The following GAGE10 variants were observed in gnomAD, a reference collection of about 807,000 sequenced individuals.
GAGE10 encodes G antigen 10.
GAGE10 carries 9 observed loss-of-function variants against 11.5 expected under a neutral mutation model. That is an observed-to-expected ratio of 0.78 (90% CI 0.47 to 1.37). The LOEUF (loss-of-function observed/expected upper bound fraction) is 1.37. Ranked by LOEUF, GAGE10 falls within the 40% of genes most tolerant of loss-of-function variation. GAGE10 has a pLI of 0.00. For synonymous variants in GAGE10, 23 were observed against 29.7 expected, an observed-to-expected ratio of 0.77 and a Z score of 0.73; for missense variants, 83 against 92.9, an observed-to-expected ratio of 0.89 and a Z score of 0.44.
intron 3 of GAGE10, among the ~76,000 whole-genome samples, chrX:49,316,120 A>G (rs1380072854): frequency 1.8e-5 from 2 of 111,095 alleles, no homozygotes; most frequent in Admixed American, 9.6e-5. Context: ...AGAAAACCCA[A>G]CTCCCCCTGA....
chrX:49,307,095 A>G (rs1195339759), intron 3 of GAGE10, among the ~76,000 whole-genome samples: 3 of 111,967 alleles, frequency 2.7e-5, no homozygotes, highest in Admixed American at 1.9e-4. Context: ...TCAAGGCATA[A>G]CATTATGGAA....
intron 3 of GAGE10, among the ~76,000 whole-genome samples, chrX:49,316,635 G>A (rs1241177255): frequency 8.9e-6 from 1 of 111,807 alleles, no homozygotes; most frequent in Admixed American, 9.5e-5. Flanking sequence ...TGCTTTTCAG[G>A]TGTTTTTAGT....
Sources: gnomAD v4.1 joint callset for allele counts (sites outside exome capture counted in the v4.1 genomes callset) on GRCh38, gnomAD v4.1.1 for gene constraint, MANE v1.5 for transcripts, NCBI Gene and HGNC (gene_info 2026-07-23, HGNC 2026-07-21) for gene names.